The following OPCML variants were observed in gnomAD, a reference collection of about 807,000 sequenced individuals.
The protein encoded by OPCML is opioid-binding protein/cell adhesion molecule.
OPCML carries 13 observed loss-of-function variants against 37.8 expected under a neutral mutation model. The observed-to-expected ratio is 0.34, with a 90% CI of 0.22 to 0.55. The LOEUF is 0.55. Among genes scored for constraint, OPCML ranks in the 20% least tolerant of loss-of-function variants. The pLI is 0.91. For missense variants in OPCML, 341 were observed against 435.6 expected (o/e 0.78, Z 1.93); for synonymous variants, 176 against 168.8 (o/e 1.04, Z -0.33).
chr11:132,861,787 A>G (rs751727047), intron 2 of OPCML, among the ~76,000 whole-genome samples: 1 of 151,630 alleles, frequency 6.6e-6, no homozygotes, highest in Non-Finnish European at 1.5e-5. Context: ...GTGAGCTGAG[A>G]TCGCACCATT....
chr11:132,958,986 C>T (rs986755033), intron 1 of OPCML, among the ~76,000 whole-genome samples: 4 of 152,174 alleles, frequency 2.6e-5, no homozygotes, highest in Middle Eastern at 3.2e-3. Context: ...TTTTATTATT[C>T]AAGAGATACA....
intron 1 of OPCML, among the ~76,000 whole-genome samples, chr11:132,968,049 T>G (rs569929558): frequency 1.3e-5 from 2 of 152,362 alleles, no homozygotes; most frequent in Admixed American, 1.3e-4. Context: ...ACCTTTGGTG[T>G]TGTACATTCC....
At chr11:132,735,577 G>A (rs780186859) in intron 2 of OPCML, among the ~76,000 whole-genome samples, 6 of 151,966 alleles carry the variant, frequency 3.9e-5, no homozygotes, top group African/African-American at 7.3e-5. Context: ...AGTTCCTCAC[G>A]GGTTTACACC....
chr11:133,112,285 C>CAAAAAAA lies in OPCML; in HGVS notation c.62-169282_62-169276dup, dbSNP rs370146450. ...AAGTTCAAGTTCATTGACTCTTGGCCAAAAAAAAAAAAAAAAAAAAAAAAA... is the reference window on the plus strand; with the variant it reads ...AAGTTCAAGTTCATTGACTCTTGGCCAAAAAAAAAAAAAAAAAAAAAAAAAAAAAAAA... On this transcript the variant is annotated intron_variant, in intron 1 of 7. Coordinates refer to ENST00000524381, the MANE Select transcript of OPCML (RefSeq NM_001012393.5). Among the ~76,000 whole-genome samples, 335 of 48,884 alleles carry CAAAAAAA rather than the reference C, an allele frequency of 6.9e-3. 4 individuals are homozygous for CAAAAAAA. Among genetic ancestry groups the CAAAAAAA allele is most frequent in the East Asian group, 0.013 (19 of 1,472 alleles). 32.1% of individuals were successfully genotyped at this position (48,884 alleles called of 152,430 possible).
At chr11:133,499,870 A>ATT (rs1565669871) in intron 1 of OPCML, among the ~76,000 whole-genome samples, 1 of 115,624 alleles carries the variant, frequency 8.6e-6, no homozygotes, top group Non-Finnish European at 1.7e-5. Context: ...ATATATATAT[A>ATT]TATATTTTTT....
chr11:133,140,973 A>C (rs1156587247), intron 1 of OPCML, among the ~76,000 whole-genome samples: 72 of 3,046 alleles, frequency 0.024, 13 homozygotes, highest in African/African-American at 0.04. Flanking sequence ...AAGAAGAAGA[A>C]GAAGAAGAAG....
intron 3 of OPCML, among the ~76,000 whole-genome samples, chr11:132,655,698 G>A (rs1263141963): frequency 6.6e-6 from 1 of 152,264 alleles, no homozygotes; most frequent in Non-Finnish European, 1.5e-5. Context: ...ACAGCTCTCT[G>A]GCCCCACACA....
intron 3 of OPCML, among the ~76,000 whole-genome samples, chr11:132,626,758 A>G (rs1271338421): frequency 6.8e-6 from 1 of 146,074 alleles, no homozygotes. Flanking sequence ...ACACTTTCAA[A>G]TTTGTTCTTT....
chr11:132,963,814 G>A (rs959370475), intron 1 of OPCML, among the ~76,000 whole-genome samples: 1 of 151,546 alleles, frequency 6.6e-6, no homozygotes, highest in Non-Finnish European at 1.5e-5. Context: ...TTCTACATTC[G>A]AACATTGTCT....
chr11:132,737,447 T>C (rs1945296543), intron 2 of OPCML, among the ~76,000 whole-genome samples: 1 of 152,230 alleles, frequency 6.6e-6, no homozygotes, highest in Non-Finnish European at 1.5e-5. Flanking sequence ...TATTTGTGGA[T>C]ACATGAATGA....
chr11:133,161,980 T>C (rs929031407), intron 1 of OPCML, among the ~76,000 whole-genome samples: 3 of 141,734 alleles, frequency 2.1e-5, no homozygotes, highest in South Asian at 4.7e-4. Context: ...AGAGGCAGTC[T>C]CTGTCTTTTT....
rs141236863 is a variant in OPCML at position 133,206,813 on chromosome 11, C to T, written c.62-263803G>A. On this transcript the variant is annotated intron_variant, in intron 1 of 7. Coordinates refer to ENST00000524381, the MANE Select transcript of OPCML (RefSeq NM_001012393.5). This position sits in a 1 kb window ranked among gnomAD's most constrained non-coding sequence, Gnocchi z 4.7. ...GGTTTGTGAATGGATGCAGCACCCA[C>T]GCTTACCCTCCACACTCTCACGATG... 4.5e-4 allele frequency among the ~76,000 whole-genome samples: 69 copies of T among 152,272 alleles called. No homozygotes were observed. The highest frequency in any genetic ancestry group is 1.6e-3 in the Admixed American group (25 of 15,292).
chr11:132,597,425 G>A (rs1389275780), intron 3 of OPCML, among the ~76,000 whole-genome samples: 3 of 152,162 alleles, frequency 2.0e-5, no homozygotes, highest in African/African-American at 7.2e-5. Context: ...GCCCCGTGAT[G>A]ATTCTGACGA....
At chr11:133,279,426 C>A (rs996187073) in intron 1 of OPCML, among the ~76,000 whole-genome samples, 23 of 152,234 alleles carry the variant, frequency 1.5e-4, no homozygotes, top group African/African-American at 4.3e-4. Context: ...AATGGACCTA[C>A]AATCCAACAT....
intron 1 of OPCML, among the ~76,000 whole-genome samples, chr11:133,031,533 G>A (rs1408170097): frequency 6.6e-6 from 1 of 150,806 alleles, no homozygotes; most frequent in Non-Finnish European, 1.5e-5. Context: ...ATGGATGGAT[G>A]GTTGGATGGA....
intron 3 of OPCML, among the ~76,000 whole-genome samples, chr11:132,656,036 A>G (rs1941688998): frequency 6.6e-6 from 1 of 152,078 alleles, no homozygotes; most frequent in Non-Finnish European, 1.5e-5. Context: ...CCTTTCTGAG[A>G]GCTCACTGTG....
At chr11:133,470,748 A>C (rs1947089933) in intron 1 of OPCML, among the ~76,000 whole-genome samples, 1 of 152,218 alleles carries the variant, frequency 6.6e-6, no homozygotes, top group Non-Finnish European at 1.5e-5. Context: ...AAAAAGTGAA[A>C]AGAGCAACTA....
At chr11:132,442,169 G>C (rs756346950) in intron 4 of OPCML, among the ~76,000 whole-genome samples, 13 of 152,170 alleles carry the variant, frequency 8.5e-5, no homozygotes, top group Non-Finnish European at 1.8e-4. Context: ...CATGGGGCCA[G>C]GACTCAAAGC....
intron 2 of OPCML, among the ~76,000 whole-genome samples, chr11:132,818,317 A>G (rs1170419501): frequency 6.6e-6 from 1 of 152,022 alleles, no homozygotes; most frequent in Non-Finnish European, 1.5e-5. Flanking sequence ...AATTAATTGT[A>G]TACATCAACA....
Sources: gnomAD v4.1 joint callset for allele counts (sites outside exome capture counted in the v4.1 genomes callset) on GRCh38, gnomAD v4.1.1 for gene constraint, Gnocchi (gnomAD v3.1) non-coding constraint, MANE v1.5 for transcripts, NCBI Gene and HGNC (gene_info 2026-07-23, HGNC 2026-07-21) for gene names.